The following PUS7 variants were observed in gnomAD, a reference collection of about 807,000 sequenced individuals.
PUS7 encodes the protein pseudouridylate synthase 7 homolog.
Under a neutral mutation model 79.8 loss-of-function variants are expected in PUS7, and 48 were observed. That is an observed-to-expected ratio of 0.60 (90% CI 0.48 to 0.76). The LOEUF (loss-of-function observed/expected upper bound fraction) is 0.76. Among genes scored for constraint, PUS7 ranks in the 30% least tolerant of loss-of-function variants. The pLI, the probability that PUS7 is intolerant of heterozygous loss-of-function variation, is 0.00. For missense variants in PUS7, 729 were observed against 797.6 expected (o/e 0.91, Z 1.04); for synonymous variants, 286 against 272.2 (o/e 1.05, Z -0.50).
At chr7:105,519,019 C>T (rs1385214929) in intron 1 of PUS7, among the ~76,000 whole-genome samples, 7 of 152,280 alleles carry the variant, frequency 4.6e-5, no homozygotes, top group Non-Finnish European at 1.5e-5. Flanking sequence ...TCGCCCGCCT[C>T]GGTCTCCCAA....
At chr7:105,472,309 C>A in intron 9 of PUS7, 116 bp from the exon 10 acceptor site, 1 of 618,324 alleles carries the variant, frequency 1.6e-6, no homozygotes, top group Non-Finnish European at 2.9e-6. Flanking sequence ...CTTGACCTCC[C>A]AGGCTCTACT....
intron 1 of PUS7, among the ~76,000 whole-genome samples, chr7:105,509,829 T>A (rs1225872128): frequency 6.6e-6 from 1 of 152,034 alleles, no homozygotes; most frequent in East Asian, 1.9e-4. Flanking sequence ...CTTGGGTACA[T>A]AAACTGAACA....
intron 5 of PUS7, among the ~76,000 whole-genome samples, chr7:105,495,583 G>A (rs538986826): frequency 7.2e-5 from 11 of 151,830 alleles, no homozygotes; most frequent in African/African-American, 2.4e-4. Flanking sequence ...GGCAAGACCC[G>A]TCTCCACTAA....
At chr7:105,515,746 G>A (rs568465397) in intron 1 of PUS7, among the ~76,000 whole-genome samples, 6 of 151,508 alleles carry the variant, frequency 4.0e-5, no homozygotes, top group African/African-American at 1.5e-4. Context: ...TCACGCCTCA[G>A]CCTCCTGAGT....
intron 1 of PUS7, among the ~76,000 whole-genome samples, chr7:105,517,927 A>G (rs1825957027): frequency 6.6e-6 from 1 of 152,240 alleles, no homozygotes. Context: ...AGGTGGGCAG[A>G]TCACAAGGTC....
At chr7:105,470,264 C>T (rs898699493) in intron 11 of PUS7, 17 of 154,702 alleles carry the variant, frequency 1.1e-4, no homozygotes, top group Non-Finnish European at 1.4e-4. Flanking sequence ...CAAATACTGA[C>T]ATAGGCTACT....
intron 14 of PUS7, among the ~76,000 whole-genome samples, chr7:105,459,597 C>T (rs991647878): frequency 6.6e-6 from 1 of 151,952 alleles, no homozygotes; most frequent in Non-Finnish European, 1.5e-5. Flanking sequence ...GCCACCATGC[C>T]TGGCTAATTT....
At chr7:105,505,003 A>ATTTTTTTTTTT (rs112752687) in intron 4 of PUS7, among the ~76,000 whole-genome samples, 18 of 142,626 alleles carry the variant, frequency 1.3e-4, no homozygotes, top group South Asian at 2.3e-4. Context: ...ATTTAACATA[A>ATTTTTTTTTTT]TTTTTTTTTT....
intron 9 of PUS7, among the ~76,000 whole-genome samples, chr7:105,473,405 T>C (rs979557962): frequency 4.7e-5 from 7 of 150,422 alleles, no homozygotes; most frequent in African/African-American, 1.2e-4. Context: ...TGAGTCAGCA[T>C]GCCTGCCTAA....
chr7:105,507,330 G>C (rs1171754548), intron 2 of PUS7, among the ~76,000 whole-genome samples: 1 of 152,064 alleles, frequency 6.6e-6, no homozygotes, highest in African/African-American at 2.4e-5. Context: ...ACAGGCGTTA[G>C]CCACCGTGTC....
intron 7 of PUS7, 51 bp downstream of exon 7, chr7:105,491,489 G>T: frequency 1.7e-6 from 2 of 1,177,826 alleles, no homozygotes; most frequent in Non-Finnish European, 2.4e-6. Context: ...ATTCTGAAAA[G>T]CAGTGCCAGG....
Position 105,482,406 on chromosome 7 carries a change from A to G in PUS7, c.955T>C (p.Cys319Arg), listed in dbSNP as rs760959784. ...TAQRLAHLNKCLMNFKLGNFS... is the reference protein window; with the variant it reads ...TAQRLAHLNKRLMNFKLGNFS... ...TTCCCTAGCTTAAAGTTCATCAAGC[A>G]CTTATTCAGGTGGGCAAGTCTTTGT... is the stretch of plus-strand genomic sequence containing the variant. Residue 319 changes from cysteine (C) to arginine (R), a missense_variant, in exon 8 of 16, where the codon TGC (cysteine) becomes CGC (arginine). By Grantham distance (180) the Cys-to-Arg change is radical. Coordinates refer to ENST00000469408, the MANE Select transcript of PUS7 (RefSeq NM_019042.5). 16 of 1,611,960 alleles carry G rather than the reference A, an allele frequency of 9.9e-6. No homozygotes were observed. Among genetic ancestry groups the G allele is most frequent in the Non-Finnish European group, 1.4e-5 (16 of 1,178,834 alleles).
intron 5 of PUS7, chr7:105,497,119 C>T (rs979833333): frequency 5.1e-5 from 20 of 389,202 alleles, no homozygotes; most frequent in Non-Finnish European, 1.9e-5. Context: ...GGTGGGTTAA[C>T]AGCCATTTAG....
At chr7:105,516,737 G>C (rs1262061441) in intron 1 of PUS7, among the ~76,000 whole-genome samples, 2 of 152,120 alleles carry the variant, frequency 1.3e-5, no homozygotes, top group Non-Finnish European at 2.9e-5. Context: ...TTACAGGCGT[G>C]AGCCAGTGCG....
intron 13 of PUS7, among the ~76,000 whole-genome samples, chr7:105,464,468 C>T (rs1243546683): frequency 6.6e-6 from 1 of 152,210 alleles, no homozygotes; most frequent in Non-Finnish European, 1.5e-5. Flanking sequence ...TGGGCACACA[C>T]CTCCAGTCGG....
At chr7:105,468,567 G>A in intron 11 of PUS7, 104 bp from the exon 12 acceptor site, 1 of 1,028,350 alleles carries the variant, frequency 9.7e-7, no homozygotes, top group Non-Finnish European at 1.4e-6. Context: ...GCCCAGGCTG[G>A]AGTGCAGTGG....
chr7:105,519,329 G>T (rs930539353), intron 1 of PUS7, among the ~76,000 whole-genome samples: 1 of 151,632 alleles, frequency 6.6e-6, no homozygotes, highest in Non-Finnish European at 1.5e-5. Flanking sequence ...CACTTCCAGC[G>T]TTCCGGCGAT....
At chr7:105,510,819 T>G (rs1255352553) in intron 1 of PUS7, among the ~76,000 whole-genome samples, 1 of 152,040 alleles carries the variant, frequency 6.6e-6, no homozygotes, top group African/African-American at 2.4e-5. Flanking sequence ...CTGGTCTAAT[T>G]TGATGCTCTT....
At chr7:105,512,690 G>A (rs753148797) in intron 1 of PUS7, among the ~76,000 whole-genome samples, 1 of 152,172 alleles carries the variant, frequency 6.6e-6, no homozygotes, top group Non-Finnish European at 1.5e-5. Context: ...GCCACATGAG[G>A]CTACAAGGAG....
Sources: allele counts gnomAD v4.1 joint callset (sites outside exome capture counted in the v4.1 genomes callset), GRCh38; gene constraint gnomAD v4.1.1; transcripts MANE v1.5; gene names NCBI Gene and HGNC (gene_info 2026-07-23, HGNC 2026-07-21).